PTK2: variants seen among roughly 807,000 people sequenced by gnomAD.
PTK2 encodes the protein protein tyrosine kinase 2, also known as focal adhesion kinase 1.
A neutral mutation model predicts 150.1 loss-of-function variants in PTK2; 45 were observed. The ratio of observed to expected loss-of-function variants is 0.30; its 90% CI spans 0.24 to 0.38. PTK2 has a LOEUF of 0.38. Among genes scored for constraint, PTK2 ranks in the 10% least tolerant of loss-of-function variants. PTK2 has a pLI of 1.00. For synonymous variants in PTK2, 432 were observed against 449.2 expected (o/e 0.96, Z 0.48); for missense variants, 919 against 1,307.3 (o/e 0.70, Z 4.58).
chr8:140,739,184 G>T (rs539246873), intron 20 of PTK2, 77 bp from the exon 24 acceptor site: 315 of 930,490 alleles, frequency 3.4e-4, no homozygotes, highest in South Asian at 4.3e-4. Context: ...GAGATTTTCA[G>T]TATCAAAGGA....
chr8:140,902,774 T>C (rs2154607734), intron 2 of PTK2, among the ~76,000 whole-genome samples: 1 of 152,278 alleles, frequency 6.6e-6, no homozygotes, highest in Admixed American at 6.5e-5. Flanking sequence ...AAGTGTCTGT[T>C]CATATCCTTC....
At chr8:140,931,569 A>T (rs1261526072) in intron 1 of PTK2, among the ~76,000 whole-genome samples, 1 of 152,080 alleles carries the variant, frequency 6.6e-6, no homozygotes, top group African/African-American at 2.4e-5. Context: ...TTGTGGTTTT[A>T]AAAAAAATTT....
At chr8:140,792,310 A>C (rs1032184341) in intron 13 of PTK2, among the ~76,000 whole-genome samples, 1 of 152,166 alleles carries the variant, frequency 6.6e-6, no homozygotes, top group Non-Finnish European at 1.5e-5. Context: ...CCTCAATAAA[A>C]ACCCTAGGCA....
rs534062475 is a variant in PTK2 at position 140,694,875 on chromosome 8, T to C, written c.2499+6016A>G. Among the ~76,000 whole-genome samples the C allele has an allele frequency of 4.2e-4, 64 of 152,296 alleles. 1 individual carries two copies. The highest frequency in any genetic ancestry group is 1.5e-3 in the African/African-American group (64 of 41,574). On this transcript the variant is annotated intron_variant, in intron 26 of 31. Coordinates refer to ENST00000522684, the Ensembl canonical transcript of PTK2. ...AGCTGCCACCATCACCACTTGACAG[T>C]GTCACGAGAGCTTCTACAACCGACA...
chr8:140,996,349 T>C (rs2100197792), intron 1 of PTK2, among the ~76,000 whole-genome samples: 1 of 152,214 alleles, frequency 6.6e-6, no homozygotes. Flanking sequence ...AAGCAGCAAG[T>C]GCTGGTGGAG....
chr8:140,742,567 C>T (rs2100056357), intron 20 of PTK2, among the ~76,000 whole-genome samples: 1 of 152,088 alleles, frequency 6.6e-6, no homozygotes, highest in Non-Finnish European at 1.5e-5. Context: ...TACTGTAATC[C>T]CATTGTGTTC....
At chr8:140,921,529 G>C (rs1046921176) in intron 2 of PTK2, among the ~76,000 whole-genome samples, 1 of 151,892 alleles carries the variant, frequency 6.6e-6, no homozygotes, top group African/African-American at 2.4e-5. Flanking sequence ...ATCCTTTCTG[G>C]AAAAAAATTC....
chr8:140,839,681 CAA>C (rs1343876319), intron 7 of PTK2, among the ~76,000 whole-genome samples: 1 of 151,768 alleles, frequency 6.6e-6, no homozygotes, highest in Non-Finnish European at 1.5e-5. Flanking sequence ...ATATCTCCCC[CAA>C]AAAAGAGAGA....
rs371851078 is a variant in PTK2, at chr8:140,733,393, CT to C, written c.2030+1857del. Among the ~76,000 whole-genome samples, 683 of 152,132 alleles carry C rather than the reference CT, an allele frequency of 4.5e-3. 4 individuals are homozygous for C. The highest frequency in any genetic ancestry group is 0.016 in the African/African-American group (646 of 41,450). ...AAGCCATGTGAATGGGTCAGACATCCTGGGAAGAGTAATGAGAGAAAATGGG... is the reference window on the plus strand; with the variant it reads ...AAGCCATGTGAATGGGTCAGACATCCGGGAAGAGTAATGAGAGAAAATGGG... On this transcript the variant is annotated intron_variant, in intron 22 of 31. Coordinates refer to ENST00000522684, the Ensembl canonical transcript of PTK2.
At chr8:140,755,939 AG>A (rs1250601772) in intron 16 of PTK2, among the ~76,000 whole-genome samples, 1 of 152,238 alleles carries the variant, frequency 6.6e-6, no homozygotes, top group African/African-American at 2.4e-5. Context: ...GATTTATAAT[AG>A]AAACTTAAGA....
At chr8:140,750,584 C>T (rs1043280861) in intron 17 of PTK2, among the ~76,000 whole-genome samples, 1 of 152,140 alleles carries the variant, frequency 6.6e-6, no homozygotes, top group Non-Finnish European at 1.5e-5. Flanking sequence ...AAGCTGGGGC[C>T]TGAAGCATGA....
chr8:140,866,084 T>G (rs2100139089), intron 4 of PTK2, among the ~76,000 whole-genome samples: 1 of 152,162 alleles, frequency 6.6e-6, no homozygotes, highest in Admixed American at 6.5e-5. Flanking sequence ...AGCCACCACA[T>G]CTGGCCTGGG....
chr8:141,000,621 G>A (rs1413420080), intron 1 of PTK2, among the ~76,000 whole-genome samples: 1 of 135,966 alleles, frequency 7.4e-6, no homozygotes, highest in African/African-American at 2.7e-5. Context: ...CGGCCTCCTC[G>A]TCTTCCTCAG....
intron 13 of PTK2, among the ~76,000 whole-genome samples, chr8:140,792,027 A>G (rs2100088795): frequency 6.6e-6 from 1 of 152,206 alleles, no homozygotes; most frequent in Non-Finnish European, 1.5e-5. Flanking sequence ...GAGCACGGAC[A>G]GGCTAAGGAG....
intron 10 of PTK2, among the ~76,000 whole-genome samples, chr8:140,812,540 T>C (rs531602602): frequency 6.6e-6 from 1 of 152,268 alleles, no homozygotes; most frequent in Admixed American, 6.5e-5. Context: ...CACATATCAA[T>C]ACTAACCTTG....
intron 2 of PTK2, among the ~76,000 whole-genome samples, chr8:140,921,775 T>C (rs764260564): frequency 6.6e-6 from 1 of 152,216 alleles, no homozygotes; most frequent in Non-Finnish European, 1.5e-5. Flanking sequence ...AAACTCATAC[T>C]AAAGAAGACA....
chr8:140,973,866 T>C (rs191548375), intron 1 of PTK2, among the ~76,000 whole-genome samples: 25 of 152,338 alleles, frequency 1.6e-4, no homozygotes, highest in African/African-American at 5.5e-4. Flanking sequence ...GTTTTCACTT[T>C]TGACTTCTAT....
intron 22 of PTK2, 165 bp from the exon 26 acceptor site, chr8:140,717,874 G>C (rs1164537011): frequency 3.7e-6 from 2 of 542,600 alleles, no homozygotes; most frequent in Middle Eastern, 4.7e-4. Context: ...AACTCTCCAC[G>C]AAATGATTCT....
chr8:140,861,500 T>C (rs911917627), intron 5 of PTK2, among the ~76,000 whole-genome samples: 5 of 152,090 alleles, frequency 3.3e-5, no homozygotes, highest in African/African-American at 9.7e-5. Context: ...AGAGTGCACA[T>C]AGGAAGGAAA....
Sources: gnomAD v4.1 joint callset for allele counts (sites outside exome capture counted in the v4.1 genomes callset) on GRCh38, gnomAD v4.1.1 for gene constraint, MANE v1.5 for transcripts, NCBI Gene and HGNC (gene_info 2026-07-23, HGNC 2026-07-21) for gene names.